The following VWA8 variants were observed in gnomAD, a reference collection of about 807,000 sequenced individuals.
VWA8 encodes von Willebrand factor A domain containing 8.
A neutral mutation model predicts 241.5 loss-of-function variants in VWA8; 221 were observed. The ratio of observed to expected loss-of-function variants is 0.91; its 90% CI spans 0.82 to 1.02. VWA8 has a LOEUF of 1.02. VWA8 is among the 50% of genes least tolerant of loss of function. The pLI is 0.00. For synonymous variants in VWA8, 852 were observed against 827.1 expected, an observed-to-expected ratio of 1.03 and a Z score of -0.52; for missense variants, 2,322 against 2,328.7, an observed-to-expected ratio of 1.00 and a Z score of 0.06.
intron 39 of VWA8, among the ~76,000 whole-genome samples, chr13:41,610,904 C>A (rs2044583504): frequency 6.6e-6 from 1 of 152,146 alleles, no homozygotes; most frequent in Admixed American, 6.5e-5. Context: ...GGGCCACAGG[C>A]TCACTGGCCT....
At chr13:41,904,148 A>G (rs186027559) in intron 4 of VWA8, among the ~76,000 whole-genome samples, 42 of 152,324 alleles carry the variant, frequency 2.8e-4, no homozygotes, top group Admixed American at 2.0e-3. Flanking sequence ...GTATAACTTC[A>G]GAAAGTTTCA....
intron 39 of VWA8, among the ~76,000 whole-genome samples, chr13:41,609,143 T>C (rs1338500621): frequency 6.6e-6 from 1 of 152,156 alleles, no homozygotes; most frequent in Non-Finnish European, 1.5e-5. Context: ...ACAAAACAGA[T>C]GGATGCCTGC....
intron 37 of VWA8, among the ~76,000 whole-genome samples, chr13:41,616,382 A>C (rs1391174236): frequency 6.6e-6 from 1 of 152,240 alleles, no homozygotes; most frequent in African/African-American, 2.4e-5. Flanking sequence ...AAAATTTAGC[A>C]GCCAGACATG....
intron 25 of VWA8, among the ~76,000 whole-genome samples, chr13:41,720,270 A>G (rs544728190): frequency 2.2e-4 from 34 of 152,078 alleles, no homozygotes; most frequent in Non-Finnish European, 4.6e-4. Flanking sequence ...CTGAATTTAC[A>G]CTGCTCATGT....
At chr13:41,811,381 A>G in intron 16 of VWA8, 41 bp from the exon 17 acceptor site, 1 of 1,538,148 alleles carries the variant, frequency 6.5e-7, no homozygotes, top group South Asian at 1.2e-5. Flanking sequence ...GTCTTGTTTC[A>G]ACTTGCTAAA....
chr13:41,882,052 C>T lies in VWA8; in HGVS notation c.1080+1335G>A, dbSNP rs535867692. Among the ~76,000 whole-genome samples, 995 of 121,636 alleles carry T rather than the reference C, an allele frequency of 8.2e-3. 7 individuals are homozygous for T. The highest frequency in any genetic ancestry group is 0.043 in the Middle Eastern group (9 of 208). 79.8% of individuals were successfully genotyped at this position (121,636 alleles called of 152,430 possible). A position where few individuals can be genotyped will look rare whatever the true frequency, so the allele number is the denominator to read the frequency against. On this transcript the variant is annotated intron_variant, in intron 9 of 44. Coordinates refer to ENST00000379310, the MANE Select transcript of VWA8 (RefSeq NM_015058.2). ...AGGGGCTCCTCACTTCTCAGACGGGCGGTTGCCAGGCGGAGGGTCTCCTCA... is the reference window on the plus strand; with the variant it reads ...AGGGGCTCCTCACTTCTCAGACGGGTGGTTGCCAGGCGGAGGGTCTCCTCA...
chr13:41,785,906 C>T (rs1779586267), intron 18 of VWA8, among the ~76,000 whole-genome samples: 1 of 152,032 alleles, frequency 6.6e-6, no homozygotes, highest in Non-Finnish European at 1.5e-5. Flanking sequence ...CTGATGCTAT[C>T]TATGGTTTAG....
intron 9 of VWA8, among the ~76,000 whole-genome samples, chr13:41,871,224 T>C (rs891954341): frequency 6.6e-6 from 1 of 152,242 alleles, no homozygotes; most frequent in Non-Finnish European, 1.5e-5. Context: ...AAATAAGAGT[T>C]TGTTAACTTA....
At chr13:41,810,167 A>G (rs1471355735) in intron 17 of VWA8, among the ~76,000 whole-genome samples, 1 of 152,142 alleles carries the variant, frequency 6.6e-6, no homozygotes, top group African/African-American at 2.4e-5. Context: ...AAATTAGTAT[A>G]ACCACTATAG....
intron 26 of VWA8, among the ~76,000 whole-genome samples, chr13:41,707,611 G>A (rs1188809029): frequency 6.6e-6 from 1 of 152,164 alleles, no homozygotes; most frequent in African/African-American, 2.4e-5. Flanking sequence ...CAAAAATTAA[G>A]TTGAGTTGTC....
chr13:41,893,031 GA>G (rs1874919284), intron 4 of VWA8, among the ~76,000 whole-genome samples: 1 of 152,152 alleles, frequency 6.6e-6, no homozygotes, highest in African/African-American at 2.4e-5. Context: ...TGCTTTACCA[GA>G]AAAATGTCTT....
chr13:41,740,310 A>T (rs957005196), intron 21 of VWA8, among the ~76,000 whole-genome samples: 8 of 152,214 alleles, frequency 5.3e-5, no homozygotes, highest in Admixed American at 5.2e-4. Context: ...AACTTCTTTT[A>T]CTCTCTAGCC....
intron 21 of VWA8, among the ~76,000 whole-genome samples, chr13:41,759,766 T>C (rs1330237013): frequency 1.3e-5 from 2 of 151,734 alleles, no homozygotes; most frequent in African/African-American, 4.8e-5. Flanking sequence ...CATTTCCTAT[T>C]GAATGCTTGA....
intron 37 of VWA8, among the ~76,000 whole-genome samples, chr13:41,633,503 T>C (rs1322596130): frequency 6.6e-6 from 1 of 152,152 alleles, no homozygotes; most frequent in Admixed American, 6.5e-5. Context: ...CTGGAACTTA[T>C]GGGGGCAAGT....
At chr13:41,677,387 C>T (rs1296497417) in intron 35 of VWA8, among the ~76,000 whole-genome samples, 3 of 152,202 alleles carry the variant, frequency 2.0e-5, no homozygotes, top group East Asian at 1.9e-4. Context: ...GTCAGAAACA[C>T]TGCTTAGTCT....
chr13:41,819,465 A>G (rs993038225), intron 14 of VWA8, 79 bp from the exon 15 acceptor site: 1 of 1,413,264 alleles, frequency 7.1e-7, no homozygotes, highest in Admixed American at 2.5e-5. Flanking sequence ...AAGTCTAGGC[A>G]ACGTTAGGGC....
At chr13:41,849,551 TC>T (rs1353561399) in intron 12 of VWA8, among the ~76,000 whole-genome samples, 3 of 152,176 alleles carry the variant, frequency 2.0e-5, no homozygotes, top group African/African-American at 7.2e-5. Context: ...TCAAAAGATT[TC>T]CCTAAGACTC....
chr13:41,835,688 GA>G (rs1295661583), intron 12 of VWA8, among the ~76,000 whole-genome samples: 5 of 151,060 alleles, frequency 3.3e-5, no homozygotes, highest in Non-Finnish European at 7.4e-5. Flanking sequence ...GTCAAACTAT[GA>G]AAAAAAATCA....
rs1310602887 is a variant in VWA8, at chr13:41,840,464, T to TA, written c.1426-6934dup. The stretch of plus-strand genomic sequence containing the variant: ...ACATGTATCCCAGAACTTAAAGTAT[T>TA]AAAAAAAAAAAAGTTACAGGTGGTA... On this transcript the variant is annotated intron_variant, in intron 12 of 44. Coordinates refer to ENST00000379310, the MANE Select transcript of VWA8 (RefSeq NM_015058.2). Among the ~76,000 whole-genome samples the TA allele has an allele frequency of 5.3e-4, 77 of 145,094 alleles. 1 individual carries two copies. The highest frequency in any genetic ancestry group is 1.5e-3 in the South Asian group (7 of 4,588).
Sources: gnomAD v4.1 joint callset for allele counts (sites outside exome capture counted in the v4.1 genomes callset) on GRCh38, gnomAD v4.1.1 for gene constraint, MANE v1.5 for transcripts, NCBI Gene and HGNC (gene_info 2026-07-23, HGNC 2026-07-21) for gene names.